The following RAB38 variants were observed in gnomAD, a reference collection of about 807,000 sequenced individuals.
RAB38 encodes RAB38, member RAS oncogene family, also known as ras-related protein Rab-38.
In RAB38, 15 loss-of-function variants were observed where a neutral mutation model predicts 18.4. The observed-to-expected ratio is 0.82, with a 90% CI of 0.55 to 1.26. RAB38 has a LOEUF of 1.26. Among genes scored for constraint, RAB38 ranks in the 50% most tolerant of loss-of-function variants. The probability of loss-of-function intolerance (pLI) is 0.00; values close to 1 mark genes in which losing one functional copy is unlikely to be tolerated. For synonymous variants in RAB38, 101 were observed against 104.4 expected (o/e 0.97, Z 0.20); for missense variants, 294 against 267.4 (o/e 1.10, Z -0.69).
the RAB38 span, among the ~76,000 whole-genome samples, chr11:88,006,080 C>T: frequency 6.6e-6 from 1 of 151,232 alleles, no homozygotes; most frequent in Non-Finnish European, 1.5e-5. Flanking sequence ...ACTCAAACAG[C>T]TCAACAACAA....
At chr11:88,149,475 G>A (rs1943034757) in intron 2 of RAB38, among the ~76,000 whole-genome samples, 200 bp downstream of exon 2, 1 of 152,004 alleles carries the variant, frequency 6.6e-6, no homozygotes, top group South Asian at 2.1e-4. Context: ...TCCTCCTCTT[G>A]CCACAATGAT....
chr11:88,056,587 G>A, the RAB38 span, among the ~76,000 whole-genome samples: 18 of 152,134 alleles, frequency 1.2e-4, no homozygotes, highest in East Asian at 1.9e-3. Flanking sequence ...GGCAGATCAC[G>A]AGGTCAGGAG....
chr11:87,896,612 T>C, the RAB38 span, among the ~76,000 whole-genome samples: 4 of 151,168 alleles, frequency 2.6e-5, no homozygotes, highest in South Asian at 8.3e-4. Flanking sequence ...AAAAGAAAAA[T>C]AAAAAAACAG....
chr11:87,842,200 A>C, the RAB38 span, among the ~76,000 whole-genome samples: 1 of 152,212 alleles, frequency 6.6e-6, no homozygotes, highest in Admixed American at 6.5e-5. Flanking sequence ...GACCAGAATA[A>C]ATAATGTGAA....
At chr11:87,852,262 C>A in the RAB38 span, among the ~76,000 whole-genome samples, 1 of 152,062 alleles carries the variant, frequency 6.6e-6, no homozygotes, top group South Asian at 2.1e-4. Context: ...GGGAGAAGGT[C>A]AGAGGAAAGG....
chr11:87,967,668 T>C, the RAB38 span, among the ~76,000 whole-genome samples: 1 of 152,188 alleles, frequency 6.6e-6, no homozygotes, highest in Non-Finnish European at 1.5e-5. Context: ...GAGGGCATTG[T>C]TAATGTAACA....
chr11:88,070,943 C>T, the RAB38 span, among the ~76,000 whole-genome samples: 2 of 152,172 alleles, frequency 1.3e-5, no homozygotes, highest in African/African-American at 4.8e-5. Context: ...GGTAATAGAA[C>T]ATCAGCTAAA....
At chr11:88,104,479 C>A in the RAB38 span, among the ~76,000 whole-genome samples, 375 of 152,154 alleles carry the variant, frequency 2.5e-3, 2 homozygotes, top group African/African-American at 8.6e-3. Context: ...TTGAGCCAGC[C>A]AGTCTTGAGT....
chr11:88,028,125 G>A, the RAB38 span, among the ~76,000 whole-genome samples: 1 of 152,208 alleles, frequency 6.6e-6, no homozygotes. Context: ...ACAGGGTCTG[G>A]AGTGGACCTC....
the RAB38 span, among the ~76,000 whole-genome samples, chr11:88,080,307 T>A: frequency 1.3e-5 from 2 of 151,752 alleles, no homozygotes; most frequent in African/African-American, 2.4e-5. Context: ...ATGTAAAAAG[T>A]AAAGATAAAT....
At chr11:88,063,812 T>C in the RAB38 span, among the ~76,000 whole-genome samples, 2 of 152,204 alleles carry the variant, frequency 1.3e-5, no homozygotes, top group South Asian at 4.1e-4. Context: ...CCTTCTGCCA[T>C]GAGTGTGAGG....
the RAB38 span, among the ~76,000 whole-genome samples, chr11:88,091,067 A>G: frequency 1.3e-5 from 2 of 152,042 alleles, no homozygotes; most frequent in African/African-American, 2.4e-5. Flanking sequence ...GAAGTCCAAG[A>G]AAAAGGACCA....
At chr11:87,820,177 T>C in the RAB38 span, among the ~76,000 whole-genome samples, 6 of 152,176 alleles carry the variant, frequency 3.9e-5, no homozygotes, top group Non-Finnish European at 5.9e-5. Flanking sequence ...TAAGGACAAT[T>C]GCCAAACCAT....
At chr11:88,105,230 C>G in the RAB38 span, among the ~76,000 whole-genome samples, 1 of 151,956 alleles carries the variant, frequency 6.6e-6, no homozygotes, top group Non-Finnish European at 1.5e-5. Flanking sequence ...TATTCATGTG[C>G]TTTATTTTTA....
the RAB38 span, among the ~76,000 whole-genome samples, chr11:88,013,048 A>G: frequency 6.6e-6 from 1 of 152,166 alleles, no homozygotes; most frequent in African/African-American, 2.4e-5. Flanking sequence ...TGTCCCAGAA[A>G]AATCTCATCC....
At chr11:87,940,284 A>C in the RAB38 span, among the ~76,000 whole-genome samples, 1 of 152,228 alleles carries the variant, frequency 6.6e-6, no homozygotes, top group African/African-American at 2.4e-5. Flanking sequence ...TCTTAGTCTA[A>C]TCTGCTGCCT....
At chr11:88,119,222 G>A (rs1464805781) in intron 2 of RAB38, among the ~76,000 whole-genome samples, 1 of 151,892 alleles carries the variant, frequency 6.6e-6, no homozygotes, top group East Asian at 1.9e-4. Flanking sequence ...TACCTAGCAT[G>A]AGCATTAAAA....
At chr11:87,822,877 C>A in the RAB38 span, among the ~76,000 whole-genome samples, 1 of 151,776 alleles carries the variant, frequency 6.6e-6, no homozygotes, top group Non-Finnish European at 1.5e-5. Context: ...AAATGACAAA[C>A]CAGAAAGGAA....
Position 88,169,585 on chromosome 11 carries a change from T to C in RAB38, c.202+5598A>G, listed in dbSNP as rs142209755. 5.6e-3 allele frequency among the ~76,000 whole-genome samples: 850 copies of C among 152,268 alleles called. 8 individuals carry two copies. Among genetic ancestry groups the C allele is most frequent in the African/African-American group, 0.019 (773 of 41,546 alleles). On this transcript the variant is annotated intron_variant, in intron 1 of 2. Coordinates refer to ENST00000243662, the MANE Select transcript of RAB38 (RefSeq NM_022337.3). Reference sequence around the variant, plus strand: ...CTGCATAGAGTTAAAGCCCTGGGAATGCATGAGATCCTCAAGCAAAGGAGA... The same window carrying C: ...CTGCATAGAGTTAAAGCCCTGGGAACGCATGAGATCCTCAAGCAAAGGAGA...
Sources: allele counts gnomAD v4.1 joint callset (sites outside exome capture counted in the v4.1 genomes callset), GRCh38; gene constraint gnomAD v4.1.1; transcripts MANE v1.5; gene names NCBI Gene and HGNC (gene_info 2026-07-23, HGNC 2026-07-21).